The following ATG10 variants were observed in gnomAD, a reference collection of about 807,000 sequenced individuals.
The protein encoded by ATG10 is ubiquitin-like-conjugating enzyme ATG10.
In ATG10, 30 loss-of-function variants were observed where a neutral mutation model predicts 32.1. The observed-to-expected ratio is 0.94, with a 90% CI of 0.70 to 1.27. ATG10 has a LOEUF of 1.27. Ranked by LOEUF, ATG10 falls within the 50% of genes most tolerant of loss-of-function variation. The pLI is 0.00. For synonymous variants in ATG10, 87 were observed against 91.5 expected, an observed-to-expected ratio of 0.95 and a Z score of 0.28; for missense variants, 233 against 262.3, an observed-to-expected ratio of 0.89 and a Z score of 0.77.
intron 2 of ATG10, among the ~76,000 whole-genome samples, chr5:82,044,425 G>A (rs1485005924): frequency 6.6e-6 from 1 of 152,034 alleles, no homozygotes; most frequent in African/African-American, 2.4e-5. Context: ...TCTATCACCT[G>A]CATATTTATG....
chr5:82,009,463 A>T lies in ATG10; in HGVS notation c.108+21785A>T, dbSNP rs1361871184. Reference sequence around the variant, plus strand: ...AGCTAGGCATGGGAGGGAACAAGGAAAACATGGAACCCAAAGGGAACTGCA... The same window carrying T: ...AGCTAGGCATGGGAGGGAACAAGGATAACATGGAACCCAAAGGGAACTGCA... On this transcript the variant is annotated intron_variant, in intron 2 of 7. Coordinates refer to ENST00000282185, the MANE Select transcript of ATG10 (RefSeq NM_031482.5). The T allele has an allele frequency of 1.2e-5, 8 of 663,666 alleles. No individual in the cohort carries two copies. The Admixed American group carries it at 2.1e-4, about 18-fold the overall frequency. The allele number at this position is 663,666 out of a possible 1,614,324, so 41.1% of individuals were successfully genotyped here.
chr5:82,139,959 C>T (rs1361121754), intron 3 of ATG10, among the ~76,000 whole-genome samples: 18 of 132,282 alleles, frequency 1.4e-4, no homozygotes, highest in South Asian at 7.6e-4. Context: ...GCCCTCCGCC[C>T]GGCCAGCCGC....
intron 3 of ATG10, among the ~76,000 whole-genome samples, chr5:82,125,760 C>CT (rs1390102837): frequency 6.6e-6 from 1 of 151,814 alleles, no homozygotes; most frequent in Non-Finnish European, 1.5e-5. Flanking sequence ...TATGAGGGCT[C>CT]TTTTTTTGCT....
At chr5:82,024,853 G>A (rs577167203) in intron 2 of ATG10, among the ~76,000 whole-genome samples, 1 of 152,322 alleles carries the variant, frequency 6.6e-6, no homozygotes, top group South Asian at 2.1e-4. Context: ...TGGAGTTGGT[G>A]TTGACATTCT....
At position 82,114,330 on chromosome 5, in the gene ATG10, G is replaced by A. The variant is rs150576617; in HGVS notation, c.217-50069G>A. Among the ~76,000 whole-genome samples, 135 of 152,104 alleles carry A rather than the reference G, an allele frequency of 8.9e-4. 2 individuals carry two copies. The East Asian group carries it at 0.02, about 22-fold the overall frequency. ...TACTCTCTGCCATGGTAGAAGTGGA[G>A]AAAGGGGAGAGAGAAATGAGACATG... On this transcript the variant is annotated intron_variant, in intron 3 of 7. Coordinates refer to ENST00000282185, the MANE Select transcript of ATG10 (RefSeq NM_031482.5).
intron 5 of ATG10, among the ~76,000 whole-genome samples, chr5:82,250,219 A>G (rs1239980953): frequency 6.6e-6 from 1 of 152,096 alleles, no homozygotes; most frequent in Non-Finnish European, 1.5e-5. Context: ...TTCTATGCTC[A>G]TTTCCCCCAT....
intron 3 of ATG10, among the ~76,000 whole-genome samples, chr5:82,153,514 C>A (rs750740302): frequency 7.2e-5 from 11 of 152,024 alleles, no homozygotes; most frequent in South Asian, 4.2e-4. Context: ...AGTGATTAGG[C>A]AATCTGGTAA....
At chr5:81,990,623 C>T (rs1461323881) in intron 2 of ATG10, among the ~76,000 whole-genome samples, 1 of 152,210 alleles carries the variant, frequency 6.6e-6, no homozygotes, top group Non-Finnish European at 1.5e-5. Flanking sequence ...GTCTAGCCTT[C>T]TGTTGGCTGC....
At chr5:82,121,941 G>GT (rs77349086) in intron 3 of ATG10, among the ~76,000 whole-genome samples, 3,374 of 120,968 alleles carry the variant, frequency 0.028, 94 homozygotes, top group South Asian at 0.12. Context: ...TTGGCCTGAA[G>GT]TTTTTTTTTT....
intron 5 of ATG10, among the ~76,000 whole-genome samples, chr5:82,238,102 C>T (rs775841825): frequency 1.6e-4 from 25 of 152,154 alleles, no homozygotes; most frequent in Non-Finnish European, 2.2e-4. Context: ...CGAAGTTTTC[C>T]TTTATTTTAC....
chr5:82,238,389 A>C (rs1001331515), intron 5 of ATG10, among the ~76,000 whole-genome samples: 1 of 121,902 alleles, frequency 8.2e-6, no homozygotes, highest in African/African-American at 3.2e-5. Context: ...CATCTCTGCT[A>C]TTCTCACTAG....
At chr5:82,146,382 T>G (rs2149873789) in intron 3 of ATG10, among the ~76,000 whole-genome samples, 1 of 152,220 alleles carries the variant, frequency 6.6e-6, no homozygotes, top group African/African-American at 2.4e-5. Flanking sequence ...ATTAGTTTGA[T>G]TATGATGTGT....
chr5:82,117,146 A>G (rs1242397499), intron 3 of ATG10, among the ~76,000 whole-genome samples: 2 of 152,098 alleles, frequency 1.3e-5, no homozygotes, highest in East Asian at 3.8e-4. Context: ...CCCTACCCTT[A>G]TGCTGCTTTT....
At chr5:81,998,030 A>G (rs1761719917) in intron 2 of ATG10, among the ~76,000 whole-genome samples, 1 of 152,220 alleles carries the variant, frequency 6.6e-6, no homozygotes, top group Admixed American at 6.5e-5. Context: ...ATTTCAGGAA[A>G]TGCAGAGAAC....
At chr5:82,091,397 C>T (rs577786289) in intron 3 of ATG10, among the ~76,000 whole-genome samples, 3 of 151,872 alleles carry the variant, frequency 2.0e-5, no homozygotes, top group African/African-American at 7.3e-5. Context: ...TAGCTTTTTT[C>T]CTCTCCAATT....
At chr5:82,034,048 T>G (rs1349381237) in intron 2 of ATG10, among the ~76,000 whole-genome samples, 1 of 149,206 alleles carries the variant, frequency 6.7e-6, no homozygotes, top group African/African-American at 2.4e-5. Context: ...ACTATATATA[T>G]TGTGTGTATA....
chr5:82,184,220 A>AT (rs1186249268), intron 5 of ATG10, among the ~76,000 whole-genome samples: 1 of 151,248 alleles, frequency 6.6e-6, no homozygotes, highest in Non-Finnish European at 1.5e-5. Flanking sequence ...TCTTAGTTTG[A>AT]TTTTCCATTA....
intron 1 of ATG10, among the ~76,000 whole-genome samples, chr5:81,980,180 C>T (rs1760995298): frequency 1.3e-5 from 2 of 152,044 alleles, no homozygotes; most frequent in African/African-American, 4.8e-5. Context: ...TTTCCTTCCT[C>T]ATCTCTTGCT....
At chr5:82,236,304 A>G (rs559267003) in intron 5 of ATG10, among the ~76,000 whole-genome samples, 2 of 151,974 alleles carry the variant, frequency 1.3e-5, no homozygotes, top group Non-Finnish European at 2.9e-5. Context: ...TCAGCAGTGC[A>G]TTTTCCATTT....
Sources: gnomAD v4.1 joint callset for allele counts (sites outside exome capture counted in the v4.1 genomes callset) on GRCh38, gnomAD v4.1.1 for gene constraint, MANE v1.5 for transcripts, NCBI Gene and HGNC (gene_info 2026-07-23, HGNC 2026-07-21) for gene names.